TMTC2: variants seen among roughly 807,000 people sequenced by gnomAD.
TMTC2 encodes transmembrane O-mannosyltransferase targeting cadherins 2.
In TMTC2, 43 loss-of-function variants were observed where a neutral mutation model predicts 82.4. The observed-to-expected ratio is 0.52, with a 90% CI of 0.41 to 0.67. TMTC2 has a LOEUF of 0.67. TMTC2 is among the 30% of genes least tolerant of loss of function. The pLI is 0.00. For synonymous variants in TMTC2, 408 were observed against 381.9 expected, an observed-to-expected ratio of 1.07 and a Z score of -0.80; for missense variants, 919 against 1,012.4, an observed-to-expected ratio of 0.91 and a Z score of 1.25.
chr12:82,842,191 CTTCAG>C (rs1870375998), intron 1 of TMTC2, among the ~76,000 whole-genome samples: 1 of 152,196 alleles, frequency 6.6e-6, no homozygotes, highest in African/African-American at 2.4e-5. Flanking sequence ...ACCCCTCCAA[CTTCAG>C]TTTTCTAGTT....
At chr12:83,035,230 A>T (rs960305489) in intron 9 of TMTC2, among the ~76,000 whole-genome samples, 1 of 152,208 alleles carries the variant, frequency 6.6e-6, no homozygotes, top group Non-Finnish European at 1.5e-5. Flanking sequence ...GCAATATTTT[A>T]AAATGCTATC....
chr12:83,064,083 G>C (rs532494404), intron 11 of TMTC2, among the ~76,000 whole-genome samples: 11 of 151,710 alleles, frequency 7.3e-5, no homozygotes, highest in Admixed American at 2.6e-4. Context: ...CATAATTCAT[G>C]ATAGTTAAAT....
At chr12:83,002,329 C>T (rs1879964529) in intron 8 of TMTC2, among the ~76,000 whole-genome samples, 1 of 152,020 alleles carries the variant, frequency 6.6e-6, no homozygotes, top group Non-Finnish European at 1.5e-5. Context: ...TGCTTATTTG[C>T]ATCTTCTCTG....
chr12:83,065,608 T>C (rs1754252395), intron 11 of TMTC2, among the ~76,000 whole-genome samples: 1 of 151,914 alleles, frequency 6.6e-6, no homozygotes. Context: ...CTTACCGAAA[T>C]TGCCATTTTA....
intron 7 of TMTC2, among the ~76,000 whole-genome samples, chr12:82,979,380 A>G (rs1878822148): frequency 6.6e-6 from 1 of 151,750 alleles, no homozygotes; most frequent in Admixed American, 6.6e-5. Context: ...CTTGCAAATA[A>G]TATTTCATAA....
chr12:82,802,075 G>A (rs926519949), intron 1 of TMTC2, among the ~76,000 whole-genome samples: 6 of 152,094 alleles, frequency 3.9e-5, no homozygotes, highest in African/African-American at 7.2e-5. Flanking sequence ...GGAACTGGGC[G>A]CCATGGAGCA....
chr12:82,774,600 G>A (rs2137000074), intron 1 of TMTC2, among the ~76,000 whole-genome samples: 1 of 151,022 alleles, frequency 6.6e-6, no homozygotes, highest in African/African-American at 2.4e-5. Context: ...CAGCCTGGGT[G>A]AAAGGGTAAG....
At chr12:82,916,875 A>C (rs181358872) in intron 3 of TMTC2, among the ~76,000 whole-genome samples, 1 of 152,368 alleles carries the variant, frequency 6.6e-6, no homozygotes, top group Admixed American at 6.5e-5. Context: ...AGAATTACAT[A>C]TAAGTACATA....
intron 1 of TMTC2, among the ~76,000 whole-genome samples, chr12:82,794,736 T>C (rs1218965103): frequency 2.0e-5 from 3 of 152,118 alleles, no homozygotes; most frequent in African/African-American, 7.2e-5. Flanking sequence ...CGGAGAGACA[T>C]GCCTTAGCTA....
In TMTC2 at chr12:82,693,784, G is replaced by A. The variant is rs889155642; in HGVS notation, c.83+6115G>A. Among the ~76,000 whole-genome samples, 20 of 151,906 alleles carry A rather than the reference G, an allele frequency of 1.3e-4. No individual in the cohort carries two copies. In the South Asian group the frequency reaches 2.3e-3, roughly 17 times the overall value. ...GGAGTTGGAGACCAGCCTGGCCAAC[G>A]TGGTGAAACCTCGTCTCTACTAAAA... is the stretch of plus-strand genomic sequence containing the variant. On this transcript the variant is annotated intron_variant, in intron 1 of 11. Coordinates refer to ENST00000321196, the MANE Select transcript of TMTC2 (RefSeq NM_152588.3).
chr12:82,845,252 A>AAAAAAAATAT (rs1555190264), intron 1 of TMTC2, among the ~76,000 whole-genome samples: 2 of 38,806 alleles, frequency 5.2e-5, no homozygotes, highest in African/African-American at 1.0e-4. Flanking sequence ...AAAAAAAAAA[A>AAAAAAAATAT]ATATATATAT....
At chr12:82,868,340 A>G (rs1158442617) in intron 2 of TMTC2, among the ~76,000 whole-genome samples, 6 of 152,230 alleles carry the variant, frequency 3.9e-5, no homozygotes, top group Admixed American at 3.9e-4. Context: ...CCTGTTCACC[A>G]GTGCTGATAA....
intron 11 of TMTC2, among the ~76,000 whole-genome samples, chr12:83,064,741 A>C (rs1304001653): frequency 2.0e-5 from 3 of 151,954 alleles, no homozygotes; most frequent in Non-Finnish European, 4.4e-5. Context: ...AGACCTATTT[A>C]AACAATAACC....
chr12:82,687,882 C>T (rs1430335257), intron 1 of TMTC2, among the ~76,000 whole-genome samples: 1 of 152,204 alleles, frequency 6.6e-6, no homozygotes, highest in Non-Finnish European at 1.5e-5. Context: ...TAGTTTGCAG[C>T]AGGTTCTCTC....
chr12:83,069,635 CTG>C (rs1433294521), intron 11 of TMTC2, among the ~76,000 whole-genome samples: 2 of 152,210 alleles, frequency 1.3e-5, no homozygotes, highest in African/African-American at 4.8e-5. Flanking sequence ...TTCTCCCACT[CTG>C]TGGATCATCT....
chr12:82,973,433 T>A (rs1878533149), intron 7 of TMTC2, among the ~76,000 whole-genome samples: 1 of 152,128 alleles, frequency 6.6e-6, no homozygotes, highest in African/African-American at 2.4e-5. Context: ...TTTAGAAGTA[T>A]ACTTTGAAGA....
At chr12:82,712,416 T>G (rs1873671189) in intron 1 of TMTC2, among the ~76,000 whole-genome samples, 2 of 104,578 alleles carry the variant, frequency 1.9e-5, no homozygotes, top group African/African-American at 3.9e-5. Flanking sequence ...GGCAGAAGAG[T>G]GAAACTCCGT....
intron 9 of TMTC2, among the ~76,000 whole-genome samples, chr12:83,045,719 ACACACACG>A (rs1164410866): frequency 5.6e-5 from 7 of 124,290 alleles, no homozygotes; most frequent in Admixed American, 8.5e-5. Context: ...ACACACACAC[ACACACACG>A]CACACACACA....
rs148093967 is a variant in TMTC2 at position 82,740,632 on chromosome 12, G to A, written c.83+52963G>A. 2.5e-3 allele frequency among the ~76,000 whole-genome samples: 374 copies of A among 152,218 alleles called. 1 individual carries two copies. Among genetic ancestry groups the A allele is most frequent in the African/African-American group, 8.3e-3 (346 of 41,534 alleles). On this transcript the variant is annotated intron_variant, in intron 1 of 11. Coordinates refer to ENST00000321196, the MANE Select transcript of TMTC2 (RefSeq NM_152588.3). ...TGCTGGGATTCTCTAACCACAGCTC[G>A]CCTGAAGTATTTTGCCTTTCCCTCT...
Sources: gnomAD v4.1 joint callset for allele counts (sites outside exome capture counted in the v4.1 genomes callset) on GRCh38, gnomAD v4.1.1 for gene constraint, MANE v1.5 for transcripts, NCBI Gene and HGNC (gene_info 2026-07-23, HGNC 2026-07-21) for gene names.